The following AGBL4 variants were observed in gnomAD, a reference collection of about 807,000 sequenced individuals.
AGBL4 encodes the protein cytosolic carboxypeptidase 6.
Under a neutral mutation model 66.4 loss-of-function variants are expected in AGBL4, and 58 were observed. The ratio of observed to expected loss-of-function variants is 0.87; its 90% CI spans 0.71 to 1.09. The LOEUF (loss-of-function observed/expected upper bound fraction) is 1.09, where lower values mean the gene tolerates loss of function less well. Among genes scored for constraint, AGBL4 ranks in the 50% least tolerant of loss-of-function variants. AGBL4 has a pLI of 0.00. For missense variants in AGBL4, 579 were observed against 631.0 expected, an observed-to-expected ratio of 0.92 and a Z score of 0.88; for synonymous variants, 234 against 222.9, an observed-to-expected ratio of 1.05 and a Z score of -0.44.
At chr1:48,725,382 CAA>C (rs1372346172) in intron 6 of AGBL4, among the ~76,000 whole-genome samples, 1 of 152,104 alleles carries the variant, frequency 6.6e-6, no homozygotes, top group Admixed American at 6.5e-5. Flanking sequence ...TAAGATTGGG[CAA>C]GTTTGTGAAA....
chr1:48,657,204 A>G (rs77252504), intron 7 of AGBL4, among the ~76,000 whole-genome samples: 8,894 of 152,256 alleles, frequency 0.058, 312 homozygotes, highest in African/African-American at 0.099. Context: ...CAAAGGGGAG[A>G]ATAAGAATTA....
intron 1 of AGBL4, among the ~76,000 whole-genome samples, chr1:49,968,252 A>C (rs1480393546): frequency 1.3e-5 from 2 of 152,138 alleles, no homozygotes; most frequent in African/African-American, 2.4e-5. Context: ...TTCCTTGAAA[A>C]AAATCTATCA....
chr1:49,585,589 A>G (rs902034526), intron 3 of AGBL4, among the ~76,000 whole-genome samples: 1 of 152,122 alleles, frequency 6.6e-6, no homozygotes, highest in African/African-American at 2.4e-5. Context: ...AACCCTCCAG[A>G]TAAGAAAGCA....
At chr1:48,860,434 TAGAAGAAGACAGTAGC>T (rs1647371367) in intron 6 of AGBL4, among the ~76,000 whole-genome samples, 1 of 152,184 alleles carries the variant, frequency 6.6e-6, no homozygotes, top group South Asian at 2.1e-4. Flanking sequence ...AATCTGAATG[TAGAAGAAGACAGTAGC>T]AGTTGGACGT....
chr1:49,867,116 A>G (rs1646720483), intron 1 of AGBL4, among the ~76,000 whole-genome samples: 1 of 151,938 alleles, frequency 6.6e-6, no homozygotes, highest in Admixed American at 6.6e-5. Context: ...TCTTCCCCAG[A>G]GCCTTTAGGA....
At chr1:48,657,254 G>A (rs1251800815) in intron 7 of AGBL4, among the ~76,000 whole-genome samples, 2 of 152,176 alleles carry the variant, frequency 1.3e-5, no homozygotes, top group African/African-American at 4.8e-5. Context: ...GTTGATATAA[G>A]CAAAGTGGTA....
intron 6 of AGBL4, among the ~76,000 whole-genome samples, chr1:48,684,393 G>A (rs947258445): frequency 6.6e-6 from 1 of 152,194 alleles, no homozygotes; most frequent in Non-Finnish European, 1.5e-5. Flanking sequence ...TTCAGCCCCC[G>A]CCAGAGCACT....
intron 6 of AGBL4, among the ~76,000 whole-genome samples, chr1:48,681,556 G>A (rs1267328746): frequency 6.6e-6 from 1 of 152,240 alleles, no homozygotes; most frequent in Non-Finnish European, 1.5e-5. Flanking sequence ...ATATCATGAC[G>A]GTTTCTTTGG....
chr1:49,467,835 G>A (rs1424077703), intron 3 of AGBL4, among the ~76,000 whole-genome samples: 1 of 151,766 alleles, frequency 6.6e-6, no homozygotes, highest in Non-Finnish European at 1.5e-5. Context: ...TTAAAAAATA[G>A]TTGAAATATG....
chr1:49,680,324 C>T (rs1172792577), intron 3 of AGBL4, among the ~76,000 whole-genome samples: 1 of 147,876 alleles, frequency 6.8e-6, no homozygotes, highest in Non-Finnish European at 1.5e-5. Context: ...GCTGGGATTA[C>T]AGGTGTGAGC....
chr1:48,779,784 G>T (rs2148716766), intron 6 of AGBL4, among the ~76,000 whole-genome samples: 1 of 149,812 alleles, frequency 6.7e-6, no homozygotes, highest in Non-Finnish European at 1.5e-5. Flanking sequence ...CCTGGTCTCG[G>T]CTCACTGCCA....
intron 3 of AGBL4, among the ~76,000 whole-genome samples, chr1:49,525,995 G>A (rs1650630185): frequency 6.6e-6 from 1 of 151,982 alleles, no homozygotes. Context: ...GGGAGGCTGA[G>A]GCAGGAGAAT....
chr1:48,971,211 C>T (rs545657853), intron 5 of AGBL4, among the ~76,000 whole-genome samples: 1 of 152,122 alleles, frequency 6.6e-6, no homozygotes, highest in Admixed American at 6.6e-5. Context: ...ACTGCTTGAG[C>T]TCTGCCTCTT....
chr1:48,919,265 A>T (rs1168240624), intron 5 of AGBL4, among the ~76,000 whole-genome samples: 1 of 152,196 alleles, frequency 6.6e-6, no homozygotes, highest in African/African-American at 2.4e-5. Flanking sequence ...CATAGCATAA[A>T]ATAGATGCAG....
chr1:49,259,288 T>C (rs559361421), intron 3 of AGBL4, among the ~76,000 whole-genome samples: 1 of 151,554 alleles, frequency 6.6e-6, no homozygotes, highest in African/African-American at 2.4e-5. Context: ...AATGACAGGA[T>C]CAAATTCACA....
chr1:49,469,615 C>T (rs983201848), intron 3 of AGBL4, among the ~76,000 whole-genome samples: 8 of 152,002 alleles, frequency 5.3e-5, no homozygotes, highest in Middle Eastern at 3.4e-3. Context: ...TCTCATAAGA[C>T]ACCCCTAAGT....
At chr1:49,629,597 G>A (rs919303185) in intron 3 of AGBL4, among the ~76,000 whole-genome samples, 12 of 152,078 alleles carry the variant, frequency 7.9e-5, no homozygotes, top group African/African-American at 2.2e-4. Context: ...AGAAACCTCC[G>A]CTCTAACAGA....
intron 3 of AGBL4, among the ~76,000 whole-genome samples, chr1:49,617,782 T>A (rs1645276960): frequency 6.6e-6 from 1 of 152,226 alleles, no homozygotes; most frequent in Non-Finnish European, 1.5e-5. Context: ...AAAGATGTTA[T>A]CGGTATACAA....
At chr1:49,217,101 A>G (rs1408583424) in intron 4 of AGBL4, among the ~76,000 whole-genome samples, 1 of 151,978 alleles carries the variant, frequency 6.6e-6, no homozygotes, top group Admixed American at 6.6e-5. Flanking sequence ...AGAACCTTCA[A>G]TTTCTCCTTT....
Sources: gnomAD v4.1 joint callset for allele counts (sites outside exome capture counted in the v4.1 genomes callset) on GRCh38, gnomAD v4.1.1 for gene constraint, MANE v1.5 for transcripts, NCBI Gene and HGNC (gene_info 2026-07-23, HGNC 2026-07-21) for gene names.